DAB1: variants seen among roughly 807,000 people sequenced by gnomAD.
DAB1 encodes DAB adaptor protein 1.
In DAB1, 15 loss-of-function variants were observed where a neutral mutation model predicts 64.6. The ratio of observed to expected loss-of-function variants is 0.23; its 90% confidence interval spans 0.16 to 0.36. The LOEUF is 0.36. Ranked by LOEUF, DAB1 falls within the 10% of genes least tolerant of loss-of-function variation. DAB1 has a pLI of 1.00. For synonymous variants in DAB1, 235 were observed against 251.9 expected, an observed-to-expected ratio of 0.93 and a Z score of 0.64; for missense variants, 596 against 706.7, an observed-to-expected ratio of 0.84 and a Z score of 1.78.
At chr1:57,678,853 G>A (rs755237004) in intron 6 of DAB1, among the ~76,000 whole-genome samples, 16 of 145,824 alleles carry the variant, frequency 1.1e-4, no homozygotes, top group South Asian at 2.2e-4. Context: ...TGCAAACTTC[G>A]CCTCCCGGGT....
chr1:57,378,261 T>C (rs1287633402), intron 1 of DAB1, among the ~76,000 whole-genome samples: 3 of 152,206 alleles, frequency 2.0e-5, no homozygotes, highest in African/African-American at 4.8e-5. Flanking sequence ...TCTCCAACAA[T>C]TGGGATGGCC....
chr1:58,361,512 G>A (rs1288736642), intron 3 of DAB1, among the ~76,000 whole-genome samples: 2 of 152,024 alleles, frequency 1.3e-5, no homozygotes, highest in Non-Finnish European at 2.9e-5. Context: ...CTGGTAAGAG[G>A]TTATATTTTT....
chr1:57,272,228 A>C (rs1472876239), intron 2 of DAB1, among the ~76,000 whole-genome samples: 2 of 152,206 alleles, frequency 1.3e-5, no homozygotes, highest in East Asian at 1.9e-4. Context: ...AAGGCTGAGC[A>C]TTCAGCCTTA....
chr1:57,973,208 A>G (rs1260465343), intron 5 of DAB1, among the ~76,000 whole-genome samples: 1 of 152,178 alleles, frequency 6.6e-6, no homozygotes, highest in Non-Finnish European at 1.5e-5. Context: ...ATTTTAAGAC[A>G]TTGGCCTTGA....
At chr1:57,718,024 T>A (rs557614110) in intron 6 of DAB1, among the ~76,000 whole-genome samples, 6 of 152,098 alleles carry the variant, frequency 3.9e-5, no homozygotes, top group Non-Finnish European at 7.4e-5. Context: ...AAGAACAAGT[T>A]CTGGTAGTGT....
intron 4 of DAB1, among the ~76,000 whole-genome samples, chr1:58,216,221 C>T (rs12404712): frequency 0.014 from 2,195 of 151,972 alleles, 37 homozygotes; most frequent in Middle Eastern, 0.041. Flanking sequence ...GATGTTCCCC[C>T]GACTGTGTTC....
At chr1:57,781,073 AT>A (rs1557476778) in intron 6 of DAB1, among the ~76,000 whole-genome samples, 1 of 137,344 alleles carries the variant, frequency 7.3e-6, no homozygotes, top group Non-Finnish European at 1.6e-5. Flanking sequence ...CATATTTTAT[AT>A]ATTTGAGATC....
At chr1:57,688,302 C>T (rs928006155) in intron 6 of DAB1, among the ~76,000 whole-genome samples, 2 of 152,116 alleles carry the variant, frequency 1.3e-5, no homozygotes, top group Non-Finnish European at 2.9e-5. Flanking sequence ...AGCCAACAAA[C>T]ATTTTAAAAA....
intron 6 of DAB1, among the ~76,000 whole-genome samples, chr1:57,774,840 G>A (rs1649718653): frequency 6.6e-6 from 1 of 151,758 alleles, no homozygotes; most frequent in Admixed American, 6.6e-5. Context: ...TCGTGTGGGA[G>A]TGGTACTATC....
chr1:57,363,408 C>T (rs865828002), intron 1 of DAB1, among the ~76,000 whole-genome samples: 2 of 152,136 alleles, frequency 1.3e-5, no homozygotes, highest in East Asian at 1.9e-4. Flanking sequence ...CTGCAGAGCA[C>T]GGAGGCAGAG....
chr1:57,656,546 G>C (rs185414234), intron 6 of DAB1, among the ~76,000 whole-genome samples: 1 of 152,330 alleles, frequency 6.6e-6, no homozygotes, highest in East Asian at 1.9e-4. Context: ...TTAGCTGAGA[G>C]GGTCTGGAAG....
intron 5 of DAB1, among the ~76,000 whole-genome samples, chr1:58,025,651 GTATATATA>G (rs763787466): frequency 1.7e-3 from 128 of 75,292 alleles, no homozygotes; most frequent in East Asian, 0.01. Context: ...ATATATGTGT[GTATATATA>G]TATATATATA....
intron 5 of DAB1, among the ~76,000 whole-genome samples, chr1:57,908,709 C>T (rs893566606): frequency 6.6e-6 from 1 of 152,150 alleles, no homozygotes; most frequent in African/African-American, 2.4e-5. Flanking sequence ...AAAATGGCCT[C>T]ATAACCAGGG....
intron 4 of DAB1, among the ~76,000 whole-genome samples, chr1:57,075,761 A>G (rs951496592): frequency 1.3e-5 from 2 of 152,242 alleles, no homozygotes; most frequent in African/African-American, 4.8e-5. Flanking sequence ...CGCCAGGACC[A>G]ATACTAAACC....
At chr1:58,325,402 T>TA (rs1662797748) in intron 4 of DAB1, among the ~76,000 whole-genome samples, 1 of 152,232 alleles carries the variant, frequency 6.6e-6, no homozygotes, top group South Asian at 2.1e-4. Context: ...TGAACCTCCT[T>TA]ACCTCTCTAA....
At chr1:57,523,928 A>C (rs147567306) in intron 7 of DAB1, among the ~76,000 whole-genome samples, 1,888 of 152,296 alleles carry the variant, frequency 0.012, 51 homozygotes, top group African/African-American at 0.04. Flanking sequence ...CTGTCTCAAA[A>C]AAAAAGAAAA....
chr1:57,297,402 T>C (rs1056142299), intron 1 of DAB1, among the ~76,000 whole-genome samples: 4 of 152,118 alleles, frequency 2.6e-5, no homozygotes, highest in Non-Finnish European at 5.9e-5. Flanking sequence ...ATATAGCTGT[T>C]TTTAGGAAAC....
rs371279707 is a variant in DAB1 at position 58,017,744 on chromosome 1, C to T, written n.387+132767G>A. 3.2e-4 allele frequency among the ~76,000 whole-genome samples: 49 copies of T among 152,242 alleles called. No individual in the cohort carries two copies. The East Asian group carries it at 7.4e-3, about 23-fold the overall frequency. On this transcript the variant is annotated intron_variant and non_coding_transcript_variant, in intron 5 of 20. Coordinates refer to the DAB1 transcript ENST00000485760. ...AGCAAGGGAATTGTGGGGACCTGAG[C>T]GGTGCTCAGTGAGTGGCAGCCCTCT...
rs928605376 is a variant in DAB1, at chr1:58,331,139, G to T, written n.309+12213C>A. The stretch of plus-strand genomic sequence containing the variant: ...GTCAAACTATCAACTTTAACAGGCT[G>T]TTGGAAGAAGTTGATTCCAACCCTT... On this transcript the variant is annotated intron_variant and non_coding_transcript_variant, in intron 4 of 20. Transcript: ENST00000485760. Among the ~76,000 whole-genome samples, 3 of 152,188 alleles carry T rather than the reference G, an allele frequency of 2.0e-5. No individual in the cohort carries two copies. The South Asian group carries it at 6.2e-4, about 31-fold the overall frequency.
Sources: allele counts gnomAD v4.1 joint callset (sites outside exome capture counted in the v4.1 genomes callset), GRCh38; gene constraint gnomAD v4.1.1; transcripts MANE v1.5; gene names NCBI Gene and HGNC (gene_info 2026-07-23, HGNC 2026-07-21).